Variants in ANXA4 observed in about 807,000 individuals in gnomAD.
The protein encoded by ANXA4 is 35-beta calcimedin.
ANXA4 carries 39 observed loss-of-function variants against 49.8 expected under a neutral mutation model. That is an observed-to-expected ratio of 0.78 (90% CI 0.61 to 1.02). The LOEUF (loss-of-function observed/expected upper bound fraction) is 1.02, where lower values mean the gene tolerates loss of function less well. Ranked by LOEUF, ANXA4 falls within the 50% of genes least tolerant of loss-of-function variation. The probability of loss-of-function intolerance (pLI) is 0.00; values close to 1 mark genes in which losing one functional copy is unlikely to be tolerated. For synonymous variants in ANXA4, 134 were observed against 152.5 expected, an observed-to-expected ratio of 0.88 and a Z score of 0.89; for missense variants, 360 against 410.1, an observed-to-expected ratio of 0.88 and a Z score of 1.05.
In ANXA4 at chr2:69,693,666, C is replaced by T. The variant is rs558944537; in HGVS notation, n.767-27108C>T. On this transcript the variant is annotated intron_variant and non_coding_transcript_variant, in intron 2 of 3. Transcript: ENST00000418066. ...GGGACAGGAGAGGAAGGAAATGAAGCAGGCACAAAGTAGGTTACTGAGTGG... is the reference window on the plus strand; with the variant it reads ...GGGACAGGAGAGGAAGGAAATGAAGTAGGCACAAAGTAGGTTACTGAGTGG... Among the ~76,000 whole-genome samples, 160 of 152,244 alleles carry T rather than the reference C, an allele frequency of 1.1e-3. 1 individual carries two copies. The highest frequency in any genetic ancestry group is 3.7e-3 in the African/African-American group (154 of 41,532).
chr2:69,673,489 G>A (rs1159053018), intron 2 of ANXA4, among the ~76,000 whole-genome samples: 33 of 143,466 alleles, frequency 2.3e-4, no homozygotes, highest in South Asian at 4.5e-4. Context: ...AACATCACAC[G>A]CTGGGGTTGG....
intron 2 of ANXA4, among the ~76,000 whole-genome samples, chr2:69,658,224 C>T (rs1364411853): frequency 1.3e-5 from 2 of 151,814 alleles, no homozygotes; most frequent in African/African-American, 2.4e-5. Context: ...ATGGCAAAAC[C>T]CTGTCTCTAT....
At chr2:69,808,669 C>G (rs1029192298) in intron 6 of ANXA4, 4 of 151,420 alleles carry the variant, frequency 2.6e-5, no homozygotes, top group Admixed American at 1.3e-4. Flanking sequence ...TTTTATTTAG[C>G]CTTTTTTTTT....
intron 2 of ANXA4, among the ~76,000 whole-genome samples, chr2:69,714,000 A>G (rs1678779780): frequency 1.3e-5 from 2 of 152,220 alleles, no homozygotes; most frequent in East Asian, 1.9e-4. Context: ...TGTCCTCCGC[A>G]AGAGAATGGG....
At chr2:69,748,683 G>T (rs1010458359) in intron 1 of ANXA4, among the ~76,000 whole-genome samples, 3 of 150,580 alleles carry the variant, frequency 2.0e-5, no homozygotes, top group Non-Finnish European at 4.4e-5. Flanking sequence ...TATTCCAGTG[G>T]GGTGCAGATG....
rs559563914 is a variant in ANXA4 at position 69,776,433 on chromosome 2, A to T, written c.-46-5087A>T. 5.2e-3 allele frequency among the ~76,000 whole-genome samples: 798 copies of T among 152,310 alleles called. 7 individuals are homozygous for T. The highest frequency in any genetic ancestry group is 0.018 in the African/African-American group (755 of 41,558). ...GCCATTCTAGCAAATCCCACTTCTG[A>T]CACCAATTGTATAGGAAAACAAACT... On this transcript the variant is annotated intron_variant, in intron 1 of 12. Transcript: ENST00000394295.
intron 3 of ANXA4, among the ~76,000 whole-genome samples, chr2:69,788,625 C>G (rs1394846599): frequency 1.3e-5 from 2 of 151,914 alleles, no homozygotes; most frequent in South Asian, 2.1e-4. Context: ...ATCACGAGGT[C>G]AGGAGATCGA....
chr2:69,748,796 G>A (rs72903068), intron 1 of ANXA4, among the ~76,000 whole-genome samples: 1 of 149,496 alleles, frequency 6.7e-6, no homozygotes, highest in Non-Finnish European at 1.5e-5. Context: ...CTGCACCCTC[G>A]ACCTCCCAAG....
chr2:69,737,535 G>A (rs554840486), upstream of ANXA4, among the ~76,000 whole-genome samples: 3 of 151,746 alleles, frequency 2.0e-5, no homozygotes, highest in South Asian at 6.3e-4. Context: ...TTTTATTTTT[G>A]CTATCAGATT....
chr2:69,825,603 G>A lies in ANXA4; in HGVS notation c.*88G>A, dbSNP rs1375847630. On this transcript the variant is annotated 3_prime_UTR_variant, in exon 13 of 13. Coordinates refer to ENST00000394295, the MANE Select transcript of ANXA4 (RefSeq NM_001153.5). Reference sequence around the variant, plus strand: ...CTACACTGCTATTATCATTATCTCAGAATGCTTATTTCCAATTAAAACGCC... The same window carrying A: ...CTACACTGCTATTATCATTATCTCAAAATGCTTATTTCCAATTAAAACGCC... 2 of 1,001,826 alleles carry A rather than the reference G, an allele frequency of 2.0e-6. No individual in the cohort carries two copies. Among genetic ancestry groups the A allele is most frequent in the Non-Finnish European group, 3.0e-6 (2 of 661,052 alleles). 62.1% of individuals were successfully genotyped at this position (1,001,826 alleles called of 1,614,324 possible). A position where few individuals can be genotyped will look rare whatever the true frequency, so the allele number is the denominator to read the frequency against.
chr2:69,739,505 A>C (rs1670330191), upstream of ANXA4, among the ~76,000 whole-genome samples: 1 of 151,722 alleles, frequency 6.6e-6, no homozygotes, highest in African/African-American at 2.4e-5. Flanking sequence ...CCCTGGGCTC[A>C]AGTGATTTTC....
At chr2:69,775,248 C>T (rs183845255) in intron 1 of ANXA4, among the ~76,000 whole-genome samples, 10 of 152,288 alleles carry the variant, frequency 6.6e-5, no homozygotes, top group South Asian at 6.2e-4. Flanking sequence ...CTGGCTAGAG[C>T]GCAGACTCAC....
intron 6 of ANXA4, 153 bp downstream of exon 6, chr2:69,808,149 T>G: frequency 1.4e-6 from 1 of 690,292 alleles, no homozygotes; most frequent in South Asian, 1.8e-5. Context: ...AGATCCCTGT[T>G]TAGCCAAATG....
intron 1 of ANXA4, among the ~76,000 whole-genome samples, chr2:69,757,440 G>T (rs868139466): frequency 0.054 from 5,838 of 107,846 alleles, 411 homozygotes; most frequent in African/African-American, 0.17. Context: ...CTAATTTTTT[G>T]TTTTTTTTTT....
At chr2:69,691,445 T>C (rs1677961813) in intron 2 of ANXA4, among the ~76,000 whole-genome samples, 1 of 151,998 alleles carries the variant, frequency 6.6e-6, no homozygotes, top group African/African-American at 2.4e-5. Flanking sequence ...GAAAAACGGA[T>C]GCACCTACCA....
chr2:69,756,293 A>G (rs528612506), intron 1 of ANXA4, among the ~76,000 whole-genome samples: 5 of 151,334 alleles, frequency 3.3e-5, no homozygotes, highest in Admixed American at 1.3e-4. Context: ...TGCTGTGCCT[A>G]AAAAAAAAGG....
chr2:69,745,327 G>A (rs1670567574), intron 1 of ANXA4, among the ~76,000 whole-genome samples: 2 of 152,200 alleles, frequency 1.3e-5, no homozygotes, highest in African/African-American at 4.8e-5. Flanking sequence ...ACAAGTTTAG[G>A]CAGAGGTTCA....
intron 2 of ANXA4, among the ~76,000 whole-genome samples, chr2:69,690,942 A>G (rs946050622): frequency 1.3e-5 from 2 of 152,202 alleles, no homozygotes; most frequent in Admixed American, 1.3e-4. Flanking sequence ...AACATCCTGA[A>G]ATAACCAAGA....
At chr2:69,806,532 T>G in intron 5 of ANXA4, 34 bp downstream of exon 5, 1 of 1,559,314 alleles carries the variant, frequency 6.4e-7, no homozygotes, top group Non-Finnish European at 8.8e-7. Context: ...CTTGGTGCTG[T>G]TGGTGCAAAC....
Sources: gnomAD v4.1 joint callset for allele counts (sites outside exome capture counted in the v4.1 genomes callset) on GRCh38, gnomAD v4.1.1 for gene constraint, MANE v1.5 for transcripts, NCBI Gene and HGNC (gene_info 2026-07-23, HGNC 2026-07-21) for gene names.